The following UPRT variants were observed in gnomAD, a reference collection of about 807,000 sequenced individuals.
UPRT encodes the protein uracil phosphoribosyltransferase homolog.
Under a neutral mutation model 22.6 loss-of-function variants are expected in UPRT, and 5 were observed. The observed-to-expected ratio is 0.22, with a 90% CI of 0.12 to 0.47. UPRT has a LOEUF of 0.47. UPRT is among the 20% of genes least tolerant of loss of function. UPRT has a pLI of 0.99. For missense variants in UPRT, 181 were observed against 239.9 expected (o/e 0.75, Z 1.62); for synonymous variants, 77 against 87.7 (o/e 0.88, Z 0.68).
chrX:75,187,788 G>A (rs1164643101), intron 4 of UPRT, among the ~76,000 whole-genome samples: 1 of 111,476 alleles, frequency 9.0e-6, no homozygotes, highest in Non-Finnish European at 1.9e-5. Flanking sequence ...TTCCATTGCT[G>A]ATACCCTTTC....
intron 4 of UPRT, among the ~76,000 whole-genome samples, chrX:75,246,228 A>G (rs952405891): frequency 3.8e-5 from 4 of 104,242 alleles, no homozygotes; most frequent in Admixed American, 2.1e-4. Context: ...TACATTAGGT[A>G]TATCTCCTAA....
Position 75,287,952 on chromosome X carries a change from GAGA to G in UPRT, c.387-5516_387-5514del, listed in dbSNP as rs201841058. On this transcript the variant is annotated intron_variant, in intron 1 of 6. Transcript: ENST00000373383. ...GCTAGATTAACAAAGGAAAAAAAGGGAGAAGATCCAAATAAGCGCAATCTGAAA... is the reference window on the plus strand; with the variant it reads ...GCTAGATTAACAAAGGAAAAAAAGGGAGATCCAAATAAGCGCAATCTGAAA... Among the ~76,000 whole-genome samples, 127 of 110,959 alleles carry G rather than the reference GAGA, an allele frequency of 1.1e-3. 1 individual carries two copies. The East Asian group carries it at 0.03, about 26-fold the overall frequency.
intron 2 of UPRT, among the ~76,000 whole-genome samples, chrX:75,162,892 C>T (rs770268587): frequency 2.7e-5 from 3 of 111,482 alleles, no homozygotes; most frequent in Non-Finnish European, 3.8e-5. Flanking sequence ...AGTATGATGT[C>T]GTGTTGATTT....
At chrX:75,250,905 A>T (rs768177149) in intron 4 of UPRT, among the ~76,000 whole-genome samples, 1 of 112,200 alleles carries the variant, frequency 8.9e-6, no homozygotes, top group Non-Finnish European at 1.9e-5. Flanking sequence ...GACTAGTTCA[A>T]CATATGCAAA....
At chrX:75,303,127 A>G (rs890392875) in intron 6 of UPRT, among the ~76,000 whole-genome samples, 1 of 111,761 alleles carries the variant, frequency 8.9e-6, no homozygotes, top group Non-Finnish European at 1.9e-5. Context: ...CTTTAGGGGG[A>G]AAGTTTCTAT....
At chrX:75,210,439 G>A (rs2082377305) in intron 4 of UPRT, among the ~76,000 whole-genome samples, 1 of 111,140 alleles carries the variant, frequency 9.0e-6, no homozygotes, top group African/African-American at 3.3e-5. Flanking sequence ...TTTAAGATGG[G>A]AGAGGATGGC....
At chrX:75,203,613 GC>G (rs1001034102) in intron 4 of UPRT, among the ~76,000 whole-genome samples, 6 of 110,600 alleles carry the variant, frequency 5.4e-5, no homozygotes, top group African/African-American at 2.0e-4. Flanking sequence ...CCAGCTTAAT[GC>G]CAGTGCCACC....
chrX:75,291,097 T>C (rs1409451317), intron 1 of UPRT, among the ~76,000 whole-genome samples: 7 of 111,859 alleles, frequency 6.3e-5, no homozygotes, highest in Non-Finnish European at 5.7e-5. Flanking sequence ...CATTTGTTTA[T>C]GTGAGGAGGT....
At chrX:75,291,210 T>A (rs2082705927) in intron 1 of UPRT, among the ~76,000 whole-genome samples, 1 of 111,826 alleles carries the variant, frequency 8.9e-6, no homozygotes, top group Non-Finnish European at 1.9e-5. Flanking sequence ...TAGATATCTA[T>A]ACTTTGGATT....
chrX:75,190,975 C>A (rs773099320), intron 4 of UPRT, among the ~76,000 whole-genome samples: 4 of 111,740 alleles, frequency 3.6e-5, no homozygotes, highest in Non-Finnish European at 7.5e-5. Flanking sequence ...CTTCTCTCAA[C>A]TTGTGAAAGT....
At chrX:75,288,429 C>G (rs2082691261) in intron 1 of UPRT, among the ~76,000 whole-genome samples, 1 of 111,872 alleles carries the variant, frequency 8.9e-6, no homozygotes, top group South Asian at 3.7e-4. Flanking sequence ...TGCAAAAGTC[C>G]TCAACAAAAT....
At chrX:75,287,347 C>A (rs766046646) in intron 1 of UPRT, among the ~76,000 whole-genome samples, 39 of 111,392 alleles carry the variant, frequency 3.5e-4, no homozygotes, top group South Asian at 1.8e-3. Context: ...ATGGGAGAAG[C>A]TCCCCATGTT....
chrX:75,180,780 G>A (rs1303065654), intron 4 of UPRT, among the ~76,000 whole-genome samples: 6 of 83,513 alleles, frequency 7.2e-5, no homozygotes, highest in African/African-American at 2.6e-4. Context: ...GTTGGATGCA[G>A]TTTGCAAAAT....
chrX:75,187,765 C>T (rs2082299425), intron 4 of UPRT, among the ~76,000 whole-genome samples: 1 of 111,586 alleles, frequency 9.0e-6, no homozygotes, highest in South Asian at 3.8e-4. Context: ...TGCTTCATTT[C>T]ATTCATTTCA....
chrX:75,237,279 C>A (rs1022314885), intron 4 of UPRT, among the ~76,000 whole-genome samples: 20 of 111,618 alleles, frequency 1.8e-4, no homozygotes, highest in African/African-American at 5.9e-4. Flanking sequence ...GAATGGCAAT[C>A]ATTAAAAAGT....
intron 4 of UPRT, among the ~76,000 whole-genome samples, chrX:75,244,042 A>G (rs1280805827): frequency 9.0e-6 from 1 of 111,630 alleles, no homozygotes; most frequent in Middle Eastern, 4.6e-3. Context: ...CTAGGTTGCA[A>G]TTCTTATCAT....
At chrX:75,174,772 G>A (rs1022523991) in intron 4 of UPRT, among the ~76,000 whole-genome samples, 2 of 112,317 alleles carry the variant, frequency 1.8e-5, no homozygotes, top group Non-Finnish European at 3.8e-5. Context: ...AACTGTCTGA[G>A]AGGCAGATAT....
chrX:75,187,431 C>T (rs1411550230), intron 4 of UPRT, among the ~76,000 whole-genome samples: 1 of 111,491 alleles, frequency 9.0e-6, no homozygotes, highest in Non-Finnish European at 1.9e-5. Context: ...GGTAACCCGA[C>T]ATTTCTCTCT....
intron 4 of UPRT, among the ~76,000 whole-genome samples, chrX:75,259,411 C>T (rs1028565077): frequency 7.3e-5 from 8 of 108,860 alleles, no homozygotes; most frequent in Non-Finnish European, 1.5e-4. Context: ...TAGAGATGAA[C>T]AGAAATGACC....
Sources: allele counts gnomAD v4.1 joint callset (sites outside exome capture counted in the v4.1 genomes callset), GRCh38; gene constraint gnomAD v4.1.1; transcripts MANE v1.5; gene names NCBI Gene and HGNC (gene_info 2026-07-23, HGNC 2026-07-21).